SMTN: variants seen among roughly 807,000 people sequenced by gnomAD.
SMTN encodes the protein smoothelin.
SMTN carries 58 observed loss-of-function variants against 102.0 expected under a neutral mutation model. The ratio of observed to expected loss-of-function variants is 0.57; its 90% CI spans 0.46 to 0.71. SMTN has a LOEUF of 0.71. Ranked by LOEUF, SMTN falls within the 30% of genes least tolerant of loss-of-function variation. The pLI is 0.00. For synonymous variants in SMTN, 478 were observed against 497.9 expected (o/e 0.96, Z 0.53); for missense variants, 1,185 against 1,241.7 (o/e 0.95, Z 0.69).
chr22:31,074,240 G>T (rs1364635220), intron 1 of SMTN, among the ~76,000 whole-genome samples: 10 of 152,088 alleles, frequency 6.6e-5, no homozygotes, highest in Non-Finnish European at 1.3e-4. Context: ...TTAGTCAGGT[G>T]TGGTGGTGAG....
Position 31,088,750 on chromosome 22 carries a change from C to T in SMTN, c.346C>T (p.Arg116Cys), listed in dbSNP as rs746198580. 2.7e-5 allele frequency: 44 copies of T among 1,613,062 alleles called. No individual in the cohort carries two copies. The highest frequency in any genetic ancestry group is 3.7e-5 in the Non-Finnish European group (44 of 1,179,556). The stretch of plus-strand genomic sequence containing the variant: ...GCGCAAGCTGATCCGAGCTGCCATC[C>T]GCCGTGTACGGGCTCAGGAGATTGA... Reference protein sequence around the residue: ...EERKLIRAAIRRVRAQEIEAA... With the variant: ...EERKLIRAAICRVRAQEIEAA... Residue 116 changes from arginine to cysteine, a missense_variant, in exon 5 of 21, where the codon CGC (arginine) becomes TGC (cysteine). Arg to Cys is a radical substitution (Grantham distance 180, BLOSUM62 -3). Transcript: ENST00000333137.
Position 31,088,726 on chromosome 22 carries a change from C to A in SMTN, c.322C>A (p.Arg108Ser), listed in dbSNP as rs778759029. 40 of 1,613,374 alleles carry A rather than the reference C, an allele frequency of 2.5e-5. No homozygotes were observed. Among genetic ancestry groups the A allele is most frequent in the Non-Finnish European group, 2.7e-5 (32 of 1,179,738 alleles). Reference sequence around the variant, plus strand: ...GCGAAGCGCTGGTGAGTATGAGGAGCGCAAGCTGATCCGAGCTGCCATCCG... The same window carrying A: ...GCGAAGCGCTGGTGAGTATGAGGAGAGCAAGCTGATCCGAGCTGCCATCCG... The part of the protein sequence containing the change: ...LLRSAGEYEE[R>S]KLIRAAIRRV... The change falls in exon 5 of 21, where the codon CGC becomes AGC. Residue 108 changes from arginine (R) to serine (S), a missense_variant. Arg to Ser is a moderately radical substitution (Grantham distance 110). Transcript: ENST00000333137.
intron 2 of SMTN, among the ~76,000 whole-genome samples, chr22:31,084,759 C>T (rs190642202): frequency 2.2e-3 from 341 of 152,366 alleles, no homozygotes; most frequent in Admixed American, 3.4e-3. Context: ...GTGGTTGAAT[C>T]TCTGGGAAAG....
intron 1 of SMTN, among the ~76,000 whole-genome samples, chr22:31,073,317 A>G (rs985619901): frequency 6.6e-6 from 1 of 152,172 alleles, no homozygotes; most frequent in South Asian, 2.1e-4. Flanking sequence ...TAACGGAAGC[A>G]ATGCTTTGTG....
intron 11 of SMTN, 27 bp downstream of exon 11, chr22:31,091,874 T>C (rs2043166403): frequency 2.6e-6 from 4 of 1,524,576 alleles, no homozygotes; most frequent in Middle Eastern, 1.8e-4. Flanking sequence ...CCCACCAGCC[T>C]CACCATCCGT....
At chr22:31,075,263 G>A (rs188015321) in intron 1 of SMTN, among the ~76,000 whole-genome samples, 1 of 152,230 alleles carries the variant, frequency 6.6e-6, no homozygotes, top group Non-Finnish European at 1.5e-5. Flanking sequence ...AATGCCATGG[G>A]GAATCAATGG....
rs755114795 is a variant in SMTN, at chr22:31,089,988, T to G, written c.761T>G (p.Leu254Arg). ...CCTGAGCCTCAGGAGTCTCCAACGC[T>G]CCCCAGCACTGAGGGCCAGGTGGTC... The part of the protein sequence containing the change: ...TSPEPQESPT[L>R]PSTEGQVVNK... Residue 254 changes from leucine (L) to arginine (R), a missense_variant, in exon 7 of 21, where the codon CTC becomes CGC. By Grantham distance (102) the Leu-to-Arg change is moderately radical (BLOSUM62 -2). Coordinates refer to ENST00000333137, the MANE Select transcript of SMTN (RefSeq NM_134269.3). 3.1e-6 allele frequency: 5 copies of G among 1,602,158 alleles called. No individual in the cohort carries two copies. In the East Asian group the frequency reaches 1.1e-4, roughly 36 times the overall value.
Position 31,095,327 on chromosome 22 carries a change from CT to C in SMTN, c.1658del (p.Leu553ProfsTer16). 6.2e-7 allele frequency: 1 copy of C among 1,614,076 alleles called. No homozygotes were observed. ...IKMEAEPAEP[L>X]AAAVEAANGA... is the part of the protein sequence containing the mutation. ...GATGGAAGCAGAGCCAGCAGAGCCTCTCGCTGCAGCAGTGGAAGCGGCCAAT... is the reference window on the plus strand; with the variant it reads ...GATGGAAGCAGAGCCAGCAGAGCCTCCGCTGCAGCAGTGGAAGCGGCCAAT... On this transcript the variant is annotated frameshift_variant, in exon 12 of 21. Transcript: ENST00000333137. LOFTEE classifies it high-confidence loss of function. This position sits in a 1 kb window ranked among gnomAD's most constrained non-coding sequence, Gnocchi z 4.1.
At chr22:31,103,991 T>A (rs1258652440) in intron 20 of SMTN, 1 of 346,996 alleles carries the variant, frequency 2.9e-6, no homozygotes, top group Non-Finnish European at 5.4e-6. Context: ...CAGAAGGTGG[T>A]CTCCAGGGAG....
chr22:31,087,893 G>C (rs1269739227), intron 2 of SMTN, 72 bp from the exon 3 acceptor site: 4 of 1,467,148 alleles, frequency 2.7e-6, no homozygotes, highest in Non-Finnish European at 3.7e-6. Context: ...GCCCTAGGCA[G>C]AGCCGTGGGC....
intron 11 of SMTN, chr22:31,093,508 C>G (rs185449736): frequency 6.0e-6 from 4 of 669,518 alleles, no homozygotes; most frequent in South Asian, 1.6e-5. Flanking sequence ...GCAGTTGGGC[C>G]GGGCACTGGA....
In SMTN at chr22:31,096,727, GC is replaced by G. The variant is rs1358972742; in HGVS notation, c.1862-3del. The stretch of plus-strand genomic sequence containing the variant: ...TTTGCGCATGCATGGGGCATCCCCT[GC>G]CCAGACCAGCGGGACAAGGAGCGGG... On this transcript the variant is annotated splice_polypyrimidine_tract_variant and splice_region_variant and intron_variant, in intron 13 of 20. Coordinates refer to ENST00000333137, the MANE Select transcript of SMTN (RefSeq NM_134269.3). The G allele has an allele frequency of 2.1e-5, 32 of 1,542,550 alleles. No homozygotes were observed. Among genetic ancestry groups the G allele is most frequent in the Non-Finnish European group, 2.8e-5 (32 of 1,150,034 alleles).
chr22:31,104,585 T>C lies in SMTN; in HGVS notation c.*290T>C, dbSNP rs2147847122. 2 of 956,452 alleles carry C rather than the reference T, an allele frequency of 2.1e-6. No homozygotes were observed. The highest frequency in any genetic ancestry group is 5.0e-5 in the East Asian group (2 of 40,040). The allele number at this position is 956,452 out of a possible 1,614,324, so 59.2% of individuals were successfully genotyped here. ...CTGTTGCGACACCCTCCCCCCCACA[T>C]ACACACGCAGCGTTTTGATAAATTA... On this transcript the variant is annotated 3_prime_UTR_variant, in exon 21 of 21. Coordinates refer to ENST00000333137, the MANE Select transcript of SMTN (RefSeq NM_134269.3).
intron 11 of SMTN, among the ~76,000 whole-genome samples, chr22:31,094,107 C>G (rs896097705): frequency 6.6e-6 from 1 of 152,232 alleles, no homozygotes; most frequent in African/African-American, 2.4e-5. Context: ...CCCCAGCTCC[C>G]TGCCGCCCTG....
chr22:31,093,397 A>G, intron 11 of SMTN: 1 of 420,554 alleles, frequency 2.4e-6, no homozygotes, highest in Non-Finnish European at 4.6e-6. Context: ...CAGAGACAGC[A>G]GCCCCTGCCA....
Position 31,104,311 on chromosome 22 carries a change from T to C in SMTN, c.*21-5T>C, listed in dbSNP as rs768463214. 3 of 1,613,902 alleles carry C rather than the reference T, an allele frequency of 1.9e-6. No individual in the cohort carries two copies. Among genetic ancestry groups the C allele is most frequent in the South Asian group, 2.2e-5 (2 of 91,078 alleles). ...GACATCCAACCCCGTGCCCCCTCCC[T>C]GCAGGATGCTGGTGGACTGTGTGCC... On this transcript the variant is annotated splice_polypyrimidine_tract_variant and splice_region_variant and intron_variant, in intron 20 of 20. Transcript: ENST00000333137.
chr22:31,064,156 G>C (rs1404879441), exon 1 of SMTN: 1 of 152,304 alleles, frequency 6.6e-6, no homozygotes, highest in Non-Finnish European at 1.5e-5. Context: ...GGCATGGTTG[G>C]AGTCAGAAGA....
At chr22:31,096,427 C>T (rs1229560603) in intron 13 of SMTN, 7 of 300,672 alleles carry the variant, frequency 2.3e-5, no homozygotes, top group Non-Finnish European at 3.7e-5. Flanking sequence ...GATCTAGATA[C>T]CCCTCCTGAC....
intron 19 of SMTN, 95 bp from the exon 20 acceptor site, chr22:31,100,790 C>T: frequency 1.5e-6 from 1 of 655,634 alleles, no homozygotes; most frequent in African/African-American, 1.8e-5. Context: ...GTTTCCTCCC[C>T]TCTCTCTTCT....
Sources: allele counts gnomAD v4.1 joint callset (sites outside exome capture counted in the v4.1 genomes callset), GRCh38; gene constraint gnomAD v4.1.1; non-coding constraint Gnocchi (gnomAD v3.1); transcripts MANE v1.5; gene names NCBI Gene and HGNC (gene_info 2026-07-23, HGNC 2026-07-21).